Variants in PFKFB3 observed in about 807,000 individuals in gnomAD.
The protein encoded by PFKFB3 is 6-phosphofructo-2-kinase/fructose-2,6-biphosphatase 3, also known as 6-phosphofructo-2-kinase/fructose-2,6-bisphosphatase 3.
In PFKFB3, 33 loss-of-function variants were observed where a neutral mutation model predicts 68.0. That is an observed-to-expected ratio of 0.49 (90% CI 0.37 to 0.65). The LOEUF (loss-of-function observed/expected upper bound fraction) is 0.65. Among genes scored for constraint, PFKFB3 ranks in the 30% least tolerant of loss-of-function variants. PFKFB3 has a pLI of 0.00. For synonymous variants in PFKFB3, 315 were observed against 288.2 expected (o/e 1.09, Z -0.94); for missense variants, 586 against 712.2 (o/e 0.82, Z 2.02).
In PFKFB3 at chr10:6,228,977, A is replaced by C; in HGVS notation, c.1515+2612A>C. Reference sequence around the variant, plus strand: ...ACTGCTCTGGGATCCCTTCCCCACCAGGAGCAGAGGCCTTCCTGCCACAGA... The same window carrying C: ...ACTGCTCTGGGATCCCTTCCCCACCCGGAGCAGAGGCCTTCCTGCCACAGA... On this transcript the variant is annotated intron_variant, in intron 14 of 14. Transcript: ENST00000379775. The surrounding 1 kb of genome is among the most constrained non-coding windows in gnomAD (Gnocchi z 4.5). The C allele has an allele frequency of 2.3e-6, 1 of 426,230 alleles. No individual in the cohort carries two copies. Among genetic ancestry groups the C allele is most frequent in the Non-Finnish European group, 4.9e-6 (1 of 202,574 alleles). 26.4% of individuals were successfully genotyped at this position (426,230 alleles called of 1,614,324 possible). A position where few individuals can be genotyped will look rare whatever the true frequency, so the allele number is the denominator to read the frequency against.
At chr10:6,225,015 C>T (rs1290655035) in intron 13 of PFKFB3, 1 of 419,074 alleles carries the variant, frequency 2.4e-6, no homozygotes, top group African/African-American at 2.0e-5. Context: ...TTCAGGAGAC[C>T]TCGAGGCCTG....
chr10:6,271,038 C>G, the PFKFB3 span, among the ~76,000 whole-genome samples: 1 of 152,202 alleles, frequency 6.6e-6, no homozygotes, highest in African/African-American at 2.4e-5. Flanking sequence ...CATTCAGGAA[C>G]AGATTATTGA....
the PFKFB3 span, among the ~76,000 whole-genome samples, chr10:6,261,446 A>G: frequency 6.6e-6 from 1 of 152,230 alleles, no homozygotes; most frequent in Non-Finnish European, 1.5e-5. Flanking sequence ...CAAATACTGC[A>G]TGTTCTCACT....
At chr10:6,288,676 G>T in the PFKFB3 span, among the ~76,000 whole-genome samples, 2 of 151,788 alleles carry the variant, frequency 1.3e-5, no homozygotes, top group Non-Finnish European at 2.9e-5. Context: ...GTGTGCATGT[G>T]TCTTTATAGC....
At chr10:6,177,872 C>T (rs76096709) in intron 1 of PFKFB3, among the ~76,000 whole-genome samples, 1,623 of 152,228 alleles carry the variant, frequency 0.011, 68 homozygotes, top group East Asian at 0.099. Flanking sequence ...AAATGGTGTA[C>T]ACCACTGACG....
chr10:6,183,616 T>A (rs201952291), intron 1 of PFKFB3, among the ~76,000 whole-genome samples: 1,582 of 69,506 alleles, frequency 0.023, 25 homozygotes, highest in African/African-American at 0.048. Context: ...AAAAAAAAAA[T>A]ATATATATAT....
At position 6,215,142 on chromosome 10, in the gene PFKFB3, G is replaced by C; in HGVS notation, c.203-79G>C. The C allele has an allele frequency of 2.4e-6, 3 of 1,251,998 alleles. No homozygotes were observed. The highest frequency in any genetic ancestry group is 1.5e-5 in the African/African-American group (1 of 67,822). 77.6% of individuals were successfully genotyped at this position (1,251,998 alleles called of 1,614,324 possible). ...TGGTTGGCCTGGTGGCTCTTCCTTTGGTCGATCCTATGGTCCCGGTGTGAG... is the reference window on the plus strand; with the variant it reads ...TGGTTGGCCTGGTGGCTCTTCCTTTCGTCGATCCTATGGTCCCGGTGTGAG... On this transcript the variant is annotated intron_variant, in intron 2 of 14. Coordinates refer to ENST00000379775, the MANE Select transcript of PFKFB3 (RefSeq NM_004566.4). This position sits in a 1 kb window ranked among gnomAD's most constrained non-coding sequence, Gnocchi z 4.3.
the PFKFB3 span, among the ~76,000 whole-genome samples, chr10:6,304,957 C>T: frequency 7.3e-6 from 1 of 137,408 alleles, no homozygotes; most frequent in Admixed American, 8.1e-5. Flanking sequence ...GTTGGGATTA[C>T]AGGCATGAGC....
chr10:6,215,375 ATAAGGCTGGGCTGCAGGAG>A lies in PFKFB3; in HGVS notation c.299+70_299+88del. ...GTGGGAATAAGGCTGGGCCGCGGGC[ATAAGGCTGGGCTGCAGGAG>A]TAAGGCTGGGCCGCGGGCGTAGGGC... On this transcript the variant is annotated intron_variant, in intron 3 of 14. Coordinates refer to ENST00000379775, the MANE Select transcript of PFKFB3 (RefSeq NM_004566.4). This position sits in a 1 kb window ranked among gnomAD's most constrained non-coding sequence, Gnocchi z 4.3. 3.8e-6 allele frequency: 5 copies of A among 1,329,918 alleles called. No individual in the cohort carries two copies. Among genetic ancestry groups the A allele is most frequent in the South Asian group, 2.4e-5 (2 of 83,888 alleles). 82.4% of individuals were successfully genotyped at this position (1,329,918 alleles called of 1,614,324 possible).
chr10:6,219,116 G>T (rs920584379), intron 6 of PFKFB3, among the ~76,000 whole-genome samples: 2 of 152,220 alleles, frequency 1.3e-5, no homozygotes, highest in Admixed American at 1.3e-4. Flanking sequence ...CAGGCAGTGG[G>T]GGGTGGAGGA....
chr10:6,242,135 T>C (rs1006445770), intron 14 of PFKFB3, among the ~76,000 whole-genome samples: 1 of 152,210 alleles, frequency 6.6e-6, no homozygotes, highest in African/African-American at 2.4e-5. Flanking sequence ...TATGCTACCT[T>C]GCCAGGCCCT....
At chr10:6,260,723 G>T in the PFKFB3 span, among the ~76,000 whole-genome samples, 2 of 152,160 alleles carry the variant, frequency 1.3e-5, no homozygotes, top group African/African-American at 4.8e-5. Context: ...ATTAGGTAGT[G>T]ATTGATTCTC....
At chr10:6,236,478 C>G (rs1327420120), downstream of PFKFB3, among the ~76,000 whole-genome samples, 2 of 152,224 alleles carry the variant, frequency 1.3e-5, no homozygotes, top group Non-Finnish European at 2.9e-5. Flanking sequence ...CCTTGACTCC[C>G]CAGTGAGTCT....
downstream of PFKFB3, among the ~76,000 whole-genome samples, chr10:6,238,319 T>C (rs1846066089): frequency 2.0e-5 from 3 of 151,812 alleles, no homozygotes; most frequent in Admixed American, 1.3e-4. Flanking sequence ...TGCATGCCAC[T>C]AAGCCCGGCT....
the PFKFB3 span, among the ~76,000 whole-genome samples, chr10:6,303,009 G>C: frequency 6.6e-6 from 1 of 152,196 alleles, no homozygotes; most frequent in Non-Finnish European, 1.5e-5. Context: ...GAGCAGAGAT[G>C]AGAACTCAGG....
chr10:6,221,466 A>C lies in PFKFB3; in HGVS notation c.917A>C (p.Gln306Pro). The C allele has an allele frequency of 6.2e-7, 1 of 1,613,822 alleles. No homozygotes were observed. Among genetic ancestry groups the C allele is most frequent in the Non-Finnish European group, 8.5e-7 (1 of 1,180,016 alleles). ...ACCAGCCAGCTGAAGAGCACCATCC[A>C]GACGGCCGAGGCGCTGCGGCTGCCC... Reference protein sequence around the residue: ...VWTSQLKSTIQTAEALRLPYE... With the variant: ...VWTSQLKSTIPTAEALRLPYE... The change falls in exon 9 of 15, where the codon CAG (glutamine) becomes CCG (proline). Residue 306 changes from glutamine to proline, a missense_variant. Gln to Pro is a moderately conservative substitution (Grantham distance 76). Transcript: ENST00000379775.
chr10:6,291,951 T>TG, the PFKFB3 span, among the ~76,000 whole-genome samples: 5 of 144,012 alleles, frequency 3.5e-5, no homozygotes, highest in Non-Finnish European at 6.1e-5. Flanking sequence ...AGTGGTTTTT[T>TG]TTTTTTTTTT....
Position 6,220,854 on chromosome 10 carries a change from C to G in PFKFB3, c.820C>G (p.Arg274Gly). Residue 274 changes from arginine to glycine, a missense_variant, in exon 8 of 15, where the codon CGG (arginine) becomes GGG (glycine). Coordinates refer to ENST00000379775, the MANE Select transcript of PFKFB3 (RefSeq NM_004566.4). This position sits in a 1 kb window ranked among gnomAD's most constrained non-coding sequence, Gnocchi z 4.1. ...RIGGDSGLSS[R>G]GKKFASALSK... ...CGGGGGCGACTCAGGCCTGTCCAGC[C>G]GGGGCAAGAAGGTGCGGGGTGTGCT... is the stretch of plus-strand genomic sequence containing the variant. 1.9e-6 allele frequency: 3 copies of G among 1,611,242 alleles called. No individual in the cohort carries two copies. In the South Asian group the frequency reaches 3.3e-5, roughly 18 times the overall value.
intron 1 of PFKFB3, among the ~76,000 whole-genome samples, chr10:6,204,752 TC>T: frequency 6.6e-6 from 1 of 152,222 alleles, no homozygotes; most frequent in Non-Finnish European, 1.5e-5. Flanking sequence ...AGCTCTTAAA[TC>T]CCCAGGGAGG....
Sources: allele counts gnomAD v4.1 joint callset (sites outside exome capture counted in the v4.1 genomes callset), GRCh38; gene constraint gnomAD v4.1.1; non-coding constraint Gnocchi (gnomAD v3.1); transcripts MANE v1.5; gene names NCBI Gene and HGNC (gene_info 2026-07-23, HGNC 2026-07-21).